Variants in GPR158 observed in about 807,000 individuals in gnomAD.
GPR158 encodes G protein-coupled receptor 158.
A neutral mutation model predicts 78.2 loss-of-function variants in GPR158; 30 were observed. That is an observed-to-expected ratio of 0.38 (90% CI 0.29 to 0.52). The LOEUF (loss-of-function observed/expected upper bound fraction) is 0.52. Ranked by LOEUF, GPR158 falls within the 20% of genes least tolerant of loss-of-function variation. GPR158 has a pLI of 0.83. For missense variants in GPR158, 1,463 were observed against 1,523.5 expected (o/e 0.96, Z 0.66); for synonymous variants, 581 against 591.1 (o/e 0.98, Z 0.25).
At chr10:25,573,756 T>G (rs1837046706) in intron 7 of GPR158, among the ~76,000 whole-genome samples, 1 of 152,102 alleles carries the variant, frequency 6.6e-6, no homozygotes, top group Admixed American at 6.5e-5. Context: ...TTTGCAGTTG[T>G]TGGCTAAATA....
intron 4 of GPR158, among the ~76,000 whole-genome samples, chr10:25,435,588 T>A (rs1056714140): frequency 6.6e-6 from 1 of 152,020 alleles, no homozygotes; most frequent in Non-Finnish European, 1.5e-5. Context: ...TTTGGAGAGG[T>A]CGTCAGGACT....
intron 1 of GPR158, among the ~76,000 whole-genome samples, chr10:25,207,886 G>A (rs1853066849): frequency 6.6e-6 from 1 of 152,140 alleles, no homozygotes. Context: ...CAATGTAAGT[G>A]CTGCCTTTCC....
At chr10:25,257,086 A>G (rs1043202382) in intron 2 of GPR158, among the ~76,000 whole-genome samples, 1 of 152,190 alleles carries the variant, frequency 6.6e-6, no homozygotes, top group Non-Finnish European at 1.5e-5. Context: ...TTTGGCTCAT[A>G]GTTTTGGAGA....
At chr10:25,516,398 G>T (rs1490617579) in intron 5 of GPR158, among the ~76,000 whole-genome samples, 1 of 152,066 alleles carries the variant, frequency 6.6e-6, no homozygotes. Context: ...GTCAATTTTG[G>T]CTTTTGCTGC....
chr10:25,569,444 C>CA (rs920806309), intron 6 of GPR158, among the ~76,000 whole-genome samples: 1 of 151,790 alleles, frequency 6.6e-6, no homozygotes, highest in Non-Finnish European at 1.5e-5. Context: ...ACTCAAGTAT[C>CA]AAAAAAAATA....
At chr10:25,430,528 A>G (rs889135101) in intron 4 of GPR158, among the ~76,000 whole-genome samples, 1 of 150,010 alleles carries the variant, frequency 6.7e-6, no homozygotes, top group Non-Finnish European at 1.5e-5. Context: ...GTTCATATGG[A>G]ACCAAAAAAG....
chr10:25,381,385 G>A (rs759268442), intron 2 of GPR158, among the ~76,000 whole-genome samples: 5 of 152,078 alleles, frequency 3.3e-5, no homozygotes, highest in Non-Finnish European at 7.4e-5. Context: ...CAAGATGTTT[G>A]GGTAGTAACT....
At chr10:25,426,514 T>C (rs1834822654) in intron 4 of GPR158, among the ~76,000 whole-genome samples, 1 of 152,072 alleles carries the variant, frequency 6.6e-6, no homozygotes, top group South Asian at 2.1e-4. Flanking sequence ...CATTGTATGG[T>C]TATTAATTGA....
At chr10:25,404,061 C>T (rs556899215) in intron 3 of GPR158, among the ~76,000 whole-genome samples, 16 of 152,166 alleles carry the variant, frequency 1.1e-4, no homozygotes, top group Admixed American at 7.2e-4. Context: ...TTTCTACTAG[C>T]TGCATATGTT....
At chr10:25,373,764 G>A (rs6482475) in intron 2 of GPR158, among the ~76,000 whole-genome samples, 123,537 of 151,714 alleles carry the variant, frequency 0.81, 51,312 homozygotes, top group Non-Finnish European at 0.87. Flanking sequence ...ACTTATTTCT[G>A]TATGACTTCT....
intron 2 of GPR158, among the ~76,000 whole-genome samples, chr10:25,324,255 T>G (rs1430430272): frequency 2.6e-5 from 4 of 152,236 alleles, no homozygotes; most frequent in Non-Finnish European, 4.4e-5. Flanking sequence ...CACTAAGTAA[T>G]CATTTCTTGC....
intron 2 of GPR158, among the ~76,000 whole-genome samples, chr10:25,368,899 T>G (rs1833946918): frequency 6.7e-6 from 1 of 148,632 alleles, no homozygotes; most frequent in Non-Finnish European, 1.5e-5. Flanking sequence ...CCTTGTAAGT[T>G]GGATTCCTAG....
chr10:25,343,157 A>G (rs1855328409), intron 2 of GPR158, among the ~76,000 whole-genome samples: 1 of 151,974 alleles, frequency 6.6e-6, no homozygotes, highest in African/African-American at 2.4e-5. Context: ...ATTAGAAATG[A>G]ATGTTGTTTG....
intron 8 of GPR158, among the ~76,000 whole-genome samples, chr10:25,591,185 T>A (rs550717248): frequency 6.6e-6 from 1 of 152,266 alleles, no homozygotes; most frequent in South Asian, 2.1e-4. Context: ...TATAGTCTCC[T>A]TTTCAGAGTG....
At chr10:25,586,429 A>G (rs1468571288) in intron 7 of GPR158, among the ~76,000 whole-genome samples, 1 of 119,946 alleles carries the variant, frequency 8.3e-6, no homozygotes, top group African/African-American at 3.4e-5. Flanking sequence ...TTTGAGGCAG[A>G]GTCTCACTCT....
intron 2 of GPR158, among the ~76,000 whole-genome samples, chr10:25,381,141 AATG>A (rs900470574): frequency 5.9e-5 from 9 of 152,180 alleles, no homozygotes; most frequent in African/African-American, 2.2e-4. Context: ...AATATTTGAG[AATG>A]GGAAGTCAAG....
At chr10:25,411,261 G>A (rs1834580841) in intron 3 of GPR158, among the ~76,000 whole-genome samples, 1 of 152,174 alleles carries the variant, frequency 6.6e-6, no homozygotes, top group Non-Finnish European at 1.5e-5. Context: ...ATAGCAGTAA[G>A]TGAATAGTGT....
At chr10:25,440,534 G>A (rs762474831) in intron 4 of GPR158, among the ~76,000 whole-genome samples, 21 of 152,132 alleles carry the variant, frequency 1.4e-4, no homozygotes, top group Non-Finnish European at 2.5e-4. Flanking sequence ...GGAAAAAGGC[G>A]GAGTTAACAT....
At chr10:25,447,873 A>G (rs1835157876) in intron 4 of GPR158, among the ~76,000 whole-genome samples, 1 of 152,174 alleles carries the variant, frequency 6.6e-6, no homozygotes, top group Non-Finnish European at 1.5e-5. Flanking sequence ...GCACACACCT[A>G]CATAACCCAC....
Sources: gnomAD v4.1 joint callset for allele counts (sites outside exome capture counted in the v4.1 genomes callset) on GRCh38, gnomAD v4.1.1 for gene constraint, MANE v1.5 for transcripts, NCBI Gene and HGNC (gene_info 2026-07-23, HGNC 2026-07-21) for gene names.